Variants in CNTN6 observed in about 807,000 individuals in gnomAD.
CNTN6 encodes the protein contactin-6.
In CNTN6, 137 loss-of-function variants were observed where a neutral mutation model predicts 122.8. That is an observed-to-expected ratio of 1.12 (90% CI 0.97 to 1.29). The LOEUF (loss-of-function observed/expected upper bound fraction) is 1.29. Ranked by LOEUF, CNTN6 falls within the 50% of genes most tolerant of loss-of-function variation. The pLI, the probability that CNTN6 is intolerant of heterozygous loss-of-function variation, is 0.00. For synonymous variants in CNTN6, 570 were observed against 426.0 expected (o/e 1.34, Z -4.16); for missense variants, 1,634 against 1,223.4 (o/e 1.34, Z -5.01).
intron 20 of CNTN6, among the ~76,000 whole-genome samples, chr3:1,395,644 A>G (rs1694894849): frequency 6.6e-6 from 1 of 152,068 alleles, no homozygotes; most frequent in Admixed American, 6.5e-5. Flanking sequence ...TTATTTCCTC[A>G]TCTCCAGACT....
At chr3:1,403,264 TA>T in intron 22 of CNTN6, 53 bp from the exon 23 acceptor site, 1 of 1,180,748 alleles carries the variant, frequency 8.5e-7, no homozygotes, top group Non-Finnish European at 1.2e-6. Context: ...AAAATTAATC[TA>T]ACAGGCAATA....
intron 12 of CNTN6, among the ~76,000 whole-genome samples, chr3:1,367,257 C>T (rs1708360361): frequency 6.6e-6 from 1 of 152,052 alleles, no homozygotes; most frequent in South Asian, 2.1e-4. Context: ...AAACTTATTC[C>T]TCCCATCTGA....
intron 19 of CNTN6, among the ~76,000 whole-genome samples, chr3:1,385,385 T>C (rs17193404): frequency 0.039 from 5,983 of 152,274 alleles, 165 homozygotes; most frequent in Non-Finnish European, 0.056. Context: ...AAAATCACGT[T>C]CTCTAATTTC....
At chr3:1,354,508 T>C (rs891043021) in intron 12 of CNTN6, among the ~76,000 whole-genome samples, 1 of 151,572 alleles carries the variant, frequency 6.6e-6, no homozygotes, top group Non-Finnish European at 1.5e-5. Flanking sequence ...TCTGTACCAC[T>C]TTTTATCTTC....
chr3:1,293,610 C>T (rs1695702965), intron 5 of CNTN6, among the ~76,000 whole-genome samples: 1 of 152,132 alleles, frequency 6.6e-6, no homozygotes, highest in African/African-American at 2.4e-5. Context: ...TGGCAAATAG[C>T]AACTCAGCTC....
At chr3:1,186,347 A>G (rs2093627776) in intron 2 of CNTN6, among the ~76,000 whole-genome samples, 1 of 152,092 alleles carries the variant, frequency 6.6e-6, no homozygotes, top group African/African-American at 2.4e-5. Flanking sequence ...CCCGATTTTC[A>G]CAGATGGCTT....
Position 1,372,335 on chromosome 3 carries a change from A to T in CNTN6, c.1529A>T (p.Asp510Val). 1.9e-6 allele frequency: 3 copies of T among 1,611,878 alleles called. No individual in the cohort carries two copies. Among genetic ancestry groups the T allele is most frequent in the Non-Finnish European group, 2.5e-6 (3 of 1,179,094 alleles). ...TVITVPPSKM[D>V]VTVGESIVLP... is the part of the protein sequence containing the mutation. ...ATTACCGTCCCACCTTCCAAAATGG[A>T]TGTTACAGTTGGCGAGAGTATAGTG... Residue 510 changes from aspartate to valine, a missense_variant, in exon 13 of 23, where the codon GAT (aspartate) becomes GTT (valine). Physicochemically the swap from Asp to Val is radical, Grantham distance 152. Transcript: ENST00000446702.
chr3:1,163,399 C>G (rs976984247), intron 2 of CNTN6, among the ~76,000 whole-genome samples: 2 of 152,158 alleles, frequency 1.3e-5, no homozygotes, highest in South Asian at 2.1e-4. Context: ...TAAGGTTGTG[C>G]TATGCCCTCA....
chr3:1,302,032 A>G (rs1697516729), intron 7 of CNTN6, among the ~76,000 whole-genome samples: 1 of 152,216 alleles, frequency 6.6e-6, no homozygotes, highest in Admixed American at 6.5e-5. Flanking sequence ...ATTAACAAGC[A>G]TAAAAGGCGA....
In CNTN6 at chr3:1,372,873, G is replaced by C. The variant is rs375187572; in HGVS notation, c.1704G>C (p.Gln568His). Reference protein sequence around the residue: ...SVGDLMIRNIQLHHSGKYLCT... With the variant: ...SVGDLMIRNIHLHHSGKYLCT... ...GGGATTTGATGATAAGGAATATTCA[G>C]TTACATCATTCAGGAAAATATCTCT... Residue 568 changes from glutamine (Q) to histidine (H), a missense_variant, in exon 14 of 23, where the codon CAG (glutamine) becomes CAC (histidine). Gln to His is a conservative substitution (Grantham distance 24, BLOSUM62 0). Coordinates refer to ENST00000446702, the MANE Select transcript of CNTN6 (RefSeq NM_001289080.2). 35 of 1,608,958 alleles carry C rather than the reference G, an allele frequency of 2.2e-5. No homozygotes were observed. Among genetic ancestry groups the C allele is most frequent in the Non-Finnish European group, 3.0e-5 (35 of 1,176,824 alleles).
At chr3:1,275,099 G>A (rs556665082) in intron 4 of CNTN6, among the ~76,000 whole-genome samples, 16 of 152,230 alleles carry the variant, frequency 1.1e-4, no homozygotes, top group Middle Eastern at 3.4e-3. Flanking sequence ...TACAAAGGCC[G>A]ATCCTTCCAT....
intron 12 of CNTN6, among the ~76,000 whole-genome samples, chr3:1,368,470 T>C (rs891455765): frequency 2.6e-4 from 40 of 152,252 alleles, no homozygotes; most frequent in African/African-American, 8.7e-4. Context: ...TACTACAGTC[T>C]ATAAAACAGT....
At chr3:1,348,088 G>A (rs577949861) in intron 11 of CNTN6, among the ~76,000 whole-genome samples, 24 of 136,828 alleles carry the variant, frequency 1.8e-4, no homozygotes, top group African/African-American at 6.7e-4. Flanking sequence ...TAAGCATTTT[G>A]AACGATTTAT....
chr3:1,208,553 T>C (rs2093989129), intron 2 of CNTN6, among the ~76,000 whole-genome samples: 1 of 152,070 alleles, frequency 6.6e-6, no homozygotes, highest in Non-Finnish European at 1.5e-5. Context: ...GTAGTACTTA[T>C]CCTGTAATAT....
chr3:1,268,191 T>C (rs1342316715), intron 4 of CNTN6, among the ~76,000 whole-genome samples: 3 of 152,200 alleles, frequency 2.0e-5, no homozygotes, highest in Non-Finnish European at 4.4e-5. Flanking sequence ...TTTCTGGCTA[T>C]TGTATGTCCA....
intron 12 of CNTN6, among the ~76,000 whole-genome samples, chr3:1,360,990 G>C (rs888775701): frequency 6.6e-6 from 1 of 151,976 alleles, no homozygotes; most frequent in Non-Finnish European, 1.5e-5. Context: ...GGTACATACA[G>C]AATCTAACCA....
chr3:1,357,979 A>G (rs945714844), intron 12 of CNTN6, among the ~76,000 whole-genome samples: 3 of 151,908 alleles, frequency 2.0e-5, no homozygotes, highest in Non-Finnish European at 4.4e-5. Context: ...ATAGAACATC[A>G]TTATCATCCA....
intron 2 of CNTN6, among the ~76,000 whole-genome samples, chr3:1,194,279 G>A (rs986618828): frequency 6.6e-6 from 1 of 152,022 alleles, no homozygotes; most frequent in Non-Finnish European, 1.5e-5. Flanking sequence ...GAGACAACAG[G>A]ATATCTCTTA....
At chr3:1,358,463 T>G (rs1397502465) in intron 12 of CNTN6, among the ~76,000 whole-genome samples, 1 of 151,832 alleles carries the variant, frequency 6.6e-6, no homozygotes, top group African/African-American at 2.4e-5. Context: ...GGGCCATTTT[T>G]TTTTTTTTTA....
Sources: allele counts gnomAD v4.1 joint callset (sites outside exome capture counted in the v4.1 genomes callset), GRCh38; gene constraint gnomAD v4.1.1; transcripts MANE v1.5; gene names NCBI Gene and HGNC (gene_info 2026-07-23, HGNC 2026-07-21).